The following MTRF1 variants were observed in gnomAD, a reference collection of about 807,000 sequenced individuals.
The protein encoded by MTRF1 is peptide chain release factor 1, mitochondrial.
Under a neutral mutation model 62.9 loss-of-function variants are expected in MTRF1, and 51 were observed. That is an observed-to-expected ratio of 0.81 (90% CI 0.65 to 1.02). The LOEUF is 1.02. MTRF1 is among the 50% of genes least tolerant of loss of function. The pLI is 0.00. For missense variants in MTRF1, 446 were observed against 530.0 expected, an observed-to-expected ratio of 0.84 and a Z score of 1.56; for synonymous variants, 158 against 181.9, an observed-to-expected ratio of 0.87 and a Z score of 1.06.
the MTRF1 span, among the ~76,000 whole-genome samples, chr13:41,284,279 A>T: frequency 6.6e-6 from 1 of 150,906 alleles, no homozygotes; most frequent in Admixed American, 6.6e-5. Flanking sequence ...TGAGGTCAGG[A>T]GTTTGAGACC....
chr13:41,298,485 G>A, the MTRF1 span, among the ~76,000 whole-genome samples: 2 of 44,124 alleles, frequency 4.5e-5, no homozygotes, highest in African/African-American at 1.7e-4. Flanking sequence ...CGAAAACGAA[G>A]GGGATAGGAT....
intron 7 of MTRF1, chr13:41,229,120 T>A (rs2035034003): frequency 6.6e-6 from 1 of 152,210 alleles, no homozygotes; most frequent in Non-Finnish European, 1.5e-5. Context: ...AACCAAAGAC[T>A]CAGATCTAAG....
chr13:41,248,694 A>G (rs887098586), intron 5 of MTRF1, among the ~76,000 whole-genome samples: 21 of 152,218 alleles, frequency 1.4e-4, no homozygotes, highest in African/African-American at 5.1e-4. Context: ...CATAAAATTC[A>G]CAATTACATT....
At position 41,257,021 on chromosome 13, in the gene MTRF1, A is replaced by G. The variant is rs367661004; in HGVS notation, c.416-2401T>C. The stretch of plus-strand genomic sequence containing the variant: ...TTGTTTTGCAAAGGGTACTGAAGCC[A>G]AAGTATGACATCTCAGCCAAGCTTT... On this transcript the variant is annotated intron_variant, in intron 2 of 9. Transcript: ENST00000379480. Among the ~76,000 whole-genome samples, 3 of 152,350 alleles carry G rather than the reference A, an allele frequency of 2.0e-5. No homozygotes were observed. The East Asian group carries it at 5.8e-4, about 29-fold the overall frequency.
At chr13:41,227,346 C>T (rs987329350) in intron 7 of MTRF1, among the ~76,000 whole-genome samples, 9 of 151,814 alleles carry the variant, frequency 5.9e-5, no homozygotes, top group African/African-American at 2.2e-4. Context: ...AAAGACGCTA[C>T]TCAGAGTCTT....
intron 5 of MTRF1, among the ~76,000 whole-genome samples, chr13:41,242,784 C>T (rs141705772): frequency 0.012 from 1,769 of 152,180 alleles, 17 homozygotes; most frequent in Non-Finnish European, 0.019. Flanking sequence ...AGCATGCTTA[C>T]TGCGCATTAA....
chr13:41,217,662 C>A (rs548308484), intron 9 of MTRF1, among the ~76,000 whole-genome samples: 1 of 152,290 alleles, frequency 6.6e-6, no homozygotes, highest in African/African-American at 2.4e-5. Flanking sequence ...AAATTCTACC[C>A]TTTTCACTCA....
chr13:41,260,408 A>C, intron 2 of MTRF1, 85 bp downstream of exon 2: 4 of 1,243,452 alleles, frequency 3.2e-6, no homozygotes, highest in Non-Finnish European at 4.4e-6. Context: ...TAGAAAATCA[A>C]ATCTGTACTT....
At chr13:41,291,951 G>A in the MTRF1 span, among the ~76,000 whole-genome samples, 1 of 152,108 alleles carries the variant, frequency 6.6e-6, no homozygotes, top group Admixed American at 6.5e-5. Flanking sequence ...CTATATAAGT[G>A]TTTATAAAAG....
chr13:41,305,432 G>C, the MTRF1 span, among the ~76,000 whole-genome samples: 1 of 152,096 alleles, frequency 6.6e-6, no homozygotes, highest in Non-Finnish European at 1.5e-5. Flanking sequence ...GATTCCCATT[G>C]AATTTAAGAT....
chr13:41,238,790 TTA>T (rs1471916423), intron 6 of MTRF1, among the ~76,000 whole-genome samples: 1 of 152,162 alleles, frequency 6.6e-6, no homozygotes, highest in Non-Finnish European at 1.5e-5. Flanking sequence ...CAATCTAGCA[TTA>T]TGTGTCTTCT....
the MTRF1 span, among the ~76,000 whole-genome samples, chr13:41,309,771 C>T: frequency 6.6e-6 from 1 of 152,020 alleles, no homozygotes; most frequent in Non-Finnish European, 1.5e-5. Context: ...CCGAGGTGGG[C>T]AGATCACCTG....
chr13:41,305,897 T>C, the MTRF1 span, among the ~76,000 whole-genome samples: 2 of 152,226 alleles, frequency 1.3e-5, no homozygotes, highest in Non-Finnish European at 2.9e-5. Flanking sequence ...TAGGACTTCA[T>C]ACAGTTTGGA....
the MTRF1 span, among the ~76,000 whole-genome samples, chr13:41,295,246 G>A: frequency 6.6e-6 from 1 of 152,102 alleles, no homozygotes; most frequent in African/African-American, 2.4e-5. Flanking sequence ...GAAAAGCAAT[G>A]TTTTCCTTCA....
chr13:41,261,815 T>C (rs1413691716), intron 1 of MTRF1: 2 of 984,884 alleles, frequency 2.0e-6, no homozygotes, highest in African/African-American at 3.5e-5. Context: ...GCTTCCCGTT[T>C]AGCTGAGATC....
At chr13:41,296,376 T>G in the MTRF1 span, among the ~76,000 whole-genome samples, 1 of 152,212 alleles carries the variant, frequency 6.6e-6, no homozygotes, top group Non-Finnish European at 1.5e-5. Flanking sequence ...ACCCAGCCCA[T>G]GATTCTCTTT....
At chr13:41,306,110 C>T in the MTRF1 span, among the ~76,000 whole-genome samples, 1 of 152,042 alleles carries the variant, frequency 6.6e-6, no homozygotes, top group Admixed American at 6.6e-5. Flanking sequence ...CGGCTGGGCG[C>T]GGTGGCTCAC....
the MTRF1 span, among the ~76,000 whole-genome samples, chr13:41,306,393 AAAAGG>A: frequency 6.6e-6 from 1 of 152,108 alleles, no homozygotes; most frequent in Non-Finnish European, 1.5e-5. Context: ...CAAAAAAAAA[AAAAGG>A]AAAGAAAGAA....
At chr13:41,298,535 C>T in the MTRF1 span, among the ~76,000 whole-genome samples, 1 of 152,232 alleles carries the variant, frequency 6.6e-6, no homozygotes, top group African/African-American at 2.4e-5. Context: ...CATTCATGAT[C>T]TGCTTCAGAA....
Sources: allele counts gnomAD v4.1 joint callset (sites outside exome capture counted in the v4.1 genomes callset), GRCh38; gene constraint gnomAD v4.1.1; transcripts MANE v1.5; gene names NCBI Gene and HGNC (gene_info 2026-07-23, HGNC 2026-07-21).